The following CCDC192 variants were observed in gnomAD, a reference collection of about 807,000 sequenced individuals.
CCDC192 encodes coiled-coil domain containing 192, also known as coiled-coil domain-containing protein 192.
At chr5:127,884,342 C>CAAAAAAAAAAAAAAAAAA (rs778430655) in intron 6 of CCDC192, among the ~76,000 whole-genome samples, 7 of 11,842 alleles carry the variant, frequency 5.9e-4, no homozygotes, top group African/African-American at 1.6e-3. Context: ...GACTCCGTCT[C>CAAAAAAAAAAAAAAAAAA]AAAAAAAAAA....
chr5:127,709,202 G>GGGGAGA (rs1247306394), intron 2 of CCDC192, among the ~76,000 whole-genome samples: 3 of 85,762 alleles, frequency 3.5e-5, no homozygotes. Context: ...GGAGAGAGGG[G>GGGGAGA]GAGAGAGAGA....
intron 6 of CCDC192, among the ~76,000 whole-genome samples, chr5:127,919,594 T>C (rs960848345): frequency 2.0e-5 from 3 of 152,178 alleles, no homozygotes; most frequent in African/African-American, 7.2e-5. Flanking sequence ...TATCACTATC[T>C]GCAGTTGTGC....
At chr5:127,872,885 A>T (rs1056033077) in intron 5 of CCDC192, among the ~76,000 whole-genome samples, 3 of 152,220 alleles carry the variant, frequency 2.0e-5, no homozygotes, top group Admixed American at 1.3e-4. Context: ...TTATAAGGTA[A>T]ATATACAAAT....
chr5:127,935,149 C>T (rs890706497), intron 6 of CCDC192: 1 of 152,184 alleles, frequency 6.6e-6, no homozygotes, highest in East Asian at 1.9e-4. Flanking sequence ...CCCAAATGCC[C>T]TTTAGGGCCT....
chr5:127,894,318 G>T (rs776352842), intron 6 of CCDC192, among the ~76,000 whole-genome samples: 3 of 148,736 alleles, frequency 2.0e-5, no homozygotes, highest in Non-Finnish European at 3.0e-5. Context: ...TCAGCCTCCC[G>T]AGTAGCTGAG....
chr5:127,814,563 A>G (rs1758269918), intron 5 of CCDC192, among the ~76,000 whole-genome samples: 1 of 152,242 alleles, frequency 6.6e-6, no homozygotes, highest in South Asian at 2.1e-4. Context: ...TTTAATGCTT[A>G]TAAATGTGTA....
At chr5:127,763,072 C>T (rs994813429) in intron 3 of CCDC192, among the ~76,000 whole-genome samples, 1 of 150,026 alleles carries the variant, frequency 6.7e-6, no homozygotes, top group Non-Finnish European at 1.5e-5. Context: ...ATAGACTCTC[C>T]TTGGTGATCT....
At chr5:127,927,167 C>T (rs967903750) in intron 6 of CCDC192, among the ~76,000 whole-genome samples, 3 of 151,962 alleles carry the variant, frequency 2.0e-5, no homozygotes, top group African/African-American at 4.8e-5. Flanking sequence ...TCTTCAGTTT[C>T]GGTTACCAGA....
chr5:127,906,689 G>A (rs956687085), intron 6 of CCDC192, among the ~76,000 whole-genome samples: 6 of 152,108 alleles, frequency 3.9e-5, no homozygotes, highest in African/African-American at 1.2e-4. Context: ...GGGAGGCTGA[G>A]GCAGGAGGAT....
chr5:127,789,139 A>G (rs1246774806), intron 3 of CCDC192, among the ~76,000 whole-genome samples: 1 of 152,262 alleles, frequency 6.6e-6, no homozygotes, highest in Non-Finnish European at 1.5e-5. Context: ...TATTTGTTAT[A>G]GAAGTCTGAA....
intron 6 of CCDC192, among the ~76,000 whole-genome samples, chr5:127,929,085 C>T (rs561279708): frequency 2.0e-5 from 3 of 152,112 alleles, no homozygotes; most frequent in African/African-American, 4.8e-5. Context: ...TATTCTTAAA[C>T]GATAGAGGGG....
At chr5:127,787,359 C>A (rs1756601601) in intron 3 of CCDC192, among the ~76,000 whole-genome samples, 1 of 152,216 alleles carries the variant, frequency 6.6e-6, no homozygotes, top group Non-Finnish European at 1.5e-5. Flanking sequence ...CCTACCTCCT[C>A]CTCACCTGCC....
chr5:127,923,672 C>A (rs150542620), intron 6 of CCDC192, among the ~76,000 whole-genome samples: 1 of 152,120 alleles, frequency 6.6e-6, no homozygotes, highest in African/African-American at 2.4e-5. Flanking sequence ...CCTCCGCGCC[C>A]GGCCTTTTCA....
chr5:127,835,275 AAC>A (rs1439236011), intron 5 of CCDC192, among the ~76,000 whole-genome samples: 1 of 152,218 alleles, frequency 6.6e-6, no homozygotes, highest in Non-Finnish European at 1.5e-5. Flanking sequence ...CACATCAGGA[AAC>A]ACTCCATATG....
At chr5:127,777,504 C>A (rs188696649) in intron 3 of CCDC192, among the ~76,000 whole-genome samples, 132 of 152,250 alleles carry the variant, frequency 8.7e-4, no homozygotes, top group African/African-American at 3.1e-3. Context: ...TGAGTTAATG[C>A]TGAAATGAGT....
intron 5 of CCDC192, among the ~76,000 whole-genome samples, chr5:127,846,069 T>A (rs776073577): frequency 1.6e-3 from 236 of 152,176 alleles, no homozygotes; most frequent in Non-Finnish European, 1.6e-3. Flanking sequence ...GGCAGGTGGA[T>A]CATGAGGTCA....
At chr5:127,786,624 C>T (rs1163671456) in intron 3 of CCDC192, 3 of 756,096 alleles carry the variant, frequency 4.0e-6, no homozygotes, top group Non-Finnish European at 7.4e-6. Flanking sequence ...AACCCAGTGT[C>T]TACTGAGGTA....
At chr5:127,878,621 A>G (rs1752213215) in intron 6 of CCDC192, among the ~76,000 whole-genome samples, 1 of 152,180 alleles carries the variant, frequency 6.6e-6, no homozygotes, top group Non-Finnish European at 1.5e-5. Flanking sequence ...GTGCCACTGC[A>G]CTCCAGTCTT....
chr5:127,826,419 A>T (rs182708588), intron 5 of CCDC192, among the ~76,000 whole-genome samples: 1 of 152,182 alleles, frequency 6.6e-6, no homozygotes, highest in East Asian at 1.9e-4. Context: ...TTGACCCAGC[A>T]GTGCCGTTAT....
Sources: gnomAD v4.1 joint callset for allele counts (sites outside exome capture counted in the v4.1 genomes callset) on GRCh38, gnomAD v4.1.1 for gene constraint, MANE v1.5 for transcripts, NCBI Gene and HGNC (gene_info 2026-07-23, HGNC 2026-07-21) for gene names.